Variants in ODF2L observed in about 807,000 individuals in gnomAD.
ODF2L encodes the protein protein BCAP.
A neutral mutation model predicts 86.3 loss-of-function variants in ODF2L; 76 were observed. The observed-to-expected ratio is 0.88, with a 90% confidence interval of 0.73 to 1.07. The LOEUF (loss-of-function observed/expected upper bound fraction) is 1.07, where lower values mean the gene tolerates loss of function less well. Among genes scored for constraint, ODF2L ranks in the 50% least tolerant of loss-of-function variants. ODF2L has a pLI of 0.00. For missense variants in ODF2L, 748 were observed against 717.4 expected (o/e 1.04, Z -0.49); for synonymous variants, 241 against 231.3 (o/e 1.04, Z -0.38).
At chr1:86,352,333 C>T in intron 17 of ODF2L, 1 of 1,165,180 alleles carries the variant, frequency 8.6e-7, no homozygotes, top group Non-Finnish European at 1.1e-6. Flanking sequence ...CATGAGTATT[C>T]AGGAAAAAAA....
At chr1:86,379,207 A>C (rs1238681881) in intron 7 of ODF2L, among the ~76,000 whole-genome samples, 1 of 152,146 alleles carries the variant, frequency 6.6e-6, no homozygotes, top group Non-Finnish European at 1.5e-5. Flanking sequence ...GGGCCAATTA[A>C]ACTTCTTTTC....
chr1:86,354,740 A>C lies in ODF2L; in HGVS notation c.1604+34T>G, dbSNP rs747774008. On this transcript the variant is annotated intron_variant, in intron 15 of 17. Transcript: ENST00000317336. ...TTAAAATGTTAATGTGCAGAGAAAT[A>C]TGCAGCAGCAATGTTAAGTAATTTA... 9 of 1,539,462 alleles carry C rather than the reference A, an allele frequency of 5.8e-6. 1 individual carries two copies. In the South Asian group the frequency reaches 7.9e-5, roughly 14 times the overall value.
At chr1:86,355,311 G>A in intron 14 of ODF2L, 4 of 1,410,316 alleles carry the variant, frequency 2.8e-6, no homozygotes, top group African/African-American at 1.4e-5. Flanking sequence ...TTTTTGAGAA[G>A]CAAAGTGAAC....
At chr1:86,358,226 C>A in intron 13 of ODF2L, 1 of 242,000 alleles carries the variant, frequency 4.1e-6, no homozygotes, top group Non-Finnish European at 6.7e-6. Context: ...GCTTCTTTAC[C>A]AAAACAACAC....
intron 14 of ODF2L, chr1:86,355,111 A>C: frequency 1.8e-6 from 1 of 549,354 alleles, no homozygotes; most frequent in Non-Finnish European, 3.2e-6. Flanking sequence ...ATGGCTATTA[A>C]AACACTTTGA....
At chr1:86,366,797 C>T (rs1659475005) in intron 11 of ODF2L, among the ~76,000 whole-genome samples, 1 of 151,850 alleles carries the variant, frequency 6.6e-6, no homozygotes, top group South Asian at 2.1e-4. Flanking sequence ...CAAAATTGAA[C>T]AAAACCCAGA....
At chr1:86,359,455 G>A (rs1047739527) in intron 12 of ODF2L, among the ~76,000 whole-genome samples, 1 of 151,236 alleles carries the variant, frequency 6.6e-6, no homozygotes, top group Non-Finnish European at 1.5e-5. Flanking sequence ...CTAATCCATC[G>A]AGATGCAGCC....
chr1:86,379,050 C>T lies in ODF2L; in HGVS notation c.625-2632G>A, dbSNP rs564379327. ...GTTGTTTAAAAGTGTGCAGCACCTC[C>T]CTACTTGCTCTCTCTTCCTTTTGCT... is the stretch of plus-strand genomic sequence containing the variant. On this transcript the variant is annotated intron_variant, in intron 7 of 17. Transcript: ENST00000317336. Among the ~76,000 whole-genome samples the T allele has an allele frequency of 5.9e-5, 9 of 152,142 alleles. No individual in the cohort carries two copies. The South Asian group carries it at 8.3e-4, about 14-fold the overall frequency.
At chr1:86,352,513 T>C (rs1018479685) in intron 17 of ODF2L, among the ~76,000 whole-genome samples, 1 of 152,172 alleles carries the variant, frequency 6.6e-6, no homozygotes, top group Non-Finnish European at 1.5e-5. Flanking sequence ...TCACTTGTAA[T>C]AATAGTTTAC....
In ODF2L at chr1:86,376,295, T is replaced by A. The variant is rs761572188; in HGVS notation, c.748A>T (p.Lys250Ter). The change falls in exon 8 of 18, where the codon AAA becomes TAA. Residue 250 changes from lysine (K) to a stop codon, truncating the protein, a stop_gained. Coordinates refer to ENST00000317336, the Ensembl canonical transcript of ODF2L. LOFTEE classifies it high-confidence loss of function. ...CCTGTAAAATGGTCAAGCCTTTGTTTGTAAACTTTAGATGCCTTTTTTAAA... is the reference window on the plus strand; with the variant it reads ...CCTGTAAAATGGTCAAGCCTTTGTTAGTAAACTTTAGATGCCTTTTTTAAA... 1 of 1,613,286 alleles carries A rather than the reference T, an allele frequency of 6.2e-7. No individual in the cohort carries two copies. Among genetic ancestry groups the A allele is most frequent in the East Asian group, 2.2e-5 (1 of 44,774 alleles).
At chr1:86,374,122 T>C (rs1394137720) in intron 8 of ODF2L, among the ~76,000 whole-genome samples, 1 of 152,240 alleles carries the variant, frequency 6.6e-6, no homozygotes, top group Non-Finnish European at 1.5e-5. Context: ...TGGGTACTTC[T>C]TTCTTTCATC....
At chr1:86,385,566 T>C (rs1660893039) in exon 3 of ODF2L, 1 of 1,611,870 alleles carries the variant, frequency 6.2e-7, no homozygotes, top group African/African-American at 1.3e-5. Flanking sequence ...ATTCAGTCTT[T>C]TCATTTAGAA....
At chr1:86,364,136 TTCA>T (rs1392200949) in intron 11 of ODF2L, among the ~76,000 whole-genome samples, 1 of 152,214 alleles carries the variant, frequency 6.6e-6, no homozygotes, top group African/African-American at 2.4e-5. Context: ...TTAAAATTAA[TTCA>T]TCATTTTATC....
exon 18 of ODF2L, chr1:86,352,145 T>C: frequency 6.7e-7 from 1 of 1,498,006 alleles, no homozygotes; most frequent in Non-Finnish European, 8.9e-7. Context: ...CTTGAATCTT[T>C]TAGGTTTTCA....
chr1:86,386,895 C>G lies in ODF2L; in HGVS notation c.113+20G>C. On this transcript the variant is annotated intron_variant, in intron 2 of 17. Transcript: ENST00000317336. ...CCTAGAATCGGAAATTTAGATTTCC[C>G]CTGATACTGATGAGAATACCAGCTG... 1 of 1,246,390 alleles carries G rather than the reference C, an allele frequency of 8.0e-7. No homozygotes were observed. Among genetic ancestry groups the G allele is most frequent in the Non-Finnish European group, 1.2e-6 (1 of 854,698 alleles). 77.2% of individuals were successfully genotyped at this position (1,246,390 alleles called of 1,614,324 possible).
At chr1:86,364,904 T>C (rs975842943) in intron 11 of ODF2L, among the ~76,000 whole-genome samples, 16 of 152,230 alleles carry the variant, frequency 1.1e-4, no homozygotes, top group African/African-American at 3.6e-4. Flanking sequence ...TTGTTATATA[T>C]GGTGAAGTTG....
intron 2 of ODF2L, chr1:86,385,852 A>T (rs1411271673): frequency 4.4e-6 from 1 of 228,892 alleles, no homozygotes; most frequent in Non-Finnish European, 8.2e-6. Context: ...TTCAATATTT[A>T]TAAATAAAAT....
chr1:86,376,663 T>C (rs1380447209), intron 7 of ODF2L, among the ~76,000 whole-genome samples: 1 of 152,066 alleles, frequency 6.6e-6, no homozygotes, highest in Non-Finnish European at 1.5e-5. Flanking sequence ...AAGGACCTTC[T>C]TCACATGGCG....
intron 7 of ODF2L, 140 bp downstream of exon 7, chr1:86,382,102 G>A: frequency 8.4e-7 from 1 of 1,190,602 alleles, no homozygotes; most frequent in Non-Finnish European, 1.1e-6. Flanking sequence ...CAAATATTAA[G>A]ATTTACCTTA....
Sources: allele counts gnomAD v4.1 joint callset (sites outside exome capture counted in the v4.1 genomes callset), GRCh38; gene constraint gnomAD v4.1.1; transcripts MANE v1.5; gene names NCBI Gene and HGNC (gene_info 2026-07-23, HGNC 2026-07-21).